NRXN3: variants seen among roughly 807,000 people sequenced by gnomAD.
The protein encoded by NRXN3 is neurexin 3, also known as neurexin III.
Under a neutral mutation model 137.6 loss-of-function variants are expected in NRXN3, and 32 were observed. The observed-to-expected ratio is 0.23, with a 90% CI of 0.18 to 0.31. NRXN3 has a LOEUF of 0.31. Among genes scored for constraint, NRXN3 ranks in the 10% least tolerant of loss-of-function variants. The probability of loss-of-function intolerance (pLI) is 1.00; values close to 1 mark genes in which losing one functional copy is unlikely to be tolerated. For missense variants in NRXN3, 1,574 were observed against 2,062.5 expected, an observed-to-expected ratio of 0.76 and a Z score of 4.59; for synonymous variants, 798 against 784.5, an observed-to-expected ratio of 1.02 and a Z score of -0.29.
chr14:79,747,317 C>A (rs570154427), intron 19 of NRXN3, among the ~76,000 whole-genome samples: 4 of 151,862 alleles, frequency 2.6e-5, no homozygotes, highest in Non-Finnish European at 4.4e-5. Context: ...TTAAACCAGA[C>A]GGTGACATGA....
In NRXN3 at chr14:79,861,300, C is replaced by T; in HGVS notation, c.4094-42C>T. The T allele has an allele frequency of 6.5e-7, 1 of 1,536,126 alleles. No homozygotes were observed. The highest frequency in any genetic ancestry group is 1.2e-5 in the South Asian group (1 of 84,064). On this transcript the variant is annotated intron_variant, in intron 20 of 20. Transcript: ENST00000335750. The surrounding 1 kb of genome is among the most constrained non-coding windows in gnomAD (Gnocchi z 5.4). ...ACCTTTGACTCTAACCTGCCCCCTA[C>T]TGATGATGAAGATTTTTACACCACC... is the stretch of plus-strand genomic sequence containing the variant.
At chr14:78,314,893 CTCTTTCTTTCTTTCTTTCTT>C (rs67628703) in intron 4 of NRXN3, among the ~76,000 whole-genome samples, 10 of 82,126 alleles carry the variant, frequency 1.2e-4, no homozygotes, top group African/African-American at 4.3e-4. Context: ...TTCTTTCTTT[CTCTTTCTTTCTTTCTTTCTT>C]TCTTTCTTTC....
chr14:78,833,668 G>A (rs1245300848), intron 10 of NRXN3, among the ~76,000 whole-genome samples: 1 of 152,146 alleles, frequency 6.6e-6, no homozygotes, highest in African/African-American at 2.4e-5. Context: ...TCAGGGTAGA[G>A]GGAAATTGTT....
intron 8 of NRXN3, among the ~76,000 whole-genome samples, chr14:78,732,728 C>A (rs2098522203): frequency 6.6e-6 from 1 of 152,056 alleles, no homozygotes; most frequent in South Asian, 2.1e-4. Flanking sequence ...ACAATGAAGC[C>A]TGAGACCTAA....
intron 4 of NRXN3, among the ~76,000 whole-genome samples, chr14:78,583,953 C>G (rs927014626): frequency 7.9e-5 from 12 of 152,144 alleles, no homozygotes; most frequent in African/African-American, 2.9e-4. Context: ...TGCCAGCCAC[C>G]GTTCTAAGAA....
chr14:78,572,203 G>T (rs980881599), intron 4 of NRXN3, among the ~76,000 whole-genome samples: 3 of 152,188 alleles, frequency 2.0e-5, no homozygotes, highest in Admixed American at 6.5e-5. Context: ...CTGCCTGACT[G>T]CTCTTCTTTC....
At chr14:79,565,652 A>G (rs1329820444) in intron 16 of NRXN3, among the ~76,000 whole-genome samples, 3 of 151,968 alleles carry the variant, frequency 2.0e-5, no homozygotes, top group Admixed American at 6.6e-5. Context: ...GCTGACACCT[A>G]TTTGGTTGAA....
At chr14:78,623,013 A>G (rs1374054052) in intron 4 of NRXN3, among the ~76,000 whole-genome samples, 2 of 152,102 alleles carry the variant, frequency 1.3e-5, no homozygotes, top group African/African-American at 4.8e-5. Flanking sequence ...TCTACAAAAA[A>G]CCCCAGGACT....
intron 10 of NRXN3, among the ~76,000 whole-genome samples, chr14:78,912,058 T>C (rs1029036543): frequency 1.3e-5 from 2 of 151,804 alleles, no homozygotes; most frequent in African/African-American, 4.8e-5. Context: ...CTCCTAATGC[T>C]ATCCCTCCCC....
intron 4 of NRXN3, among the ~76,000 whole-genome samples, chr14:78,320,385 G>T (rs2079182265): frequency 6.6e-6 from 1 of 152,316 alleles, no homozygotes; most frequent in South Asian, 2.1e-4. Flanking sequence ...AGCGTGGAGT[G>T]GGCGTTAATC....
At chr14:78,726,515 C>T (rs1481808664) in intron 8 of NRXN3, among the ~76,000 whole-genome samples, 8 of 102,448 alleles carry the variant, frequency 7.8e-5, no homozygotes, top group South Asian at 3.5e-4. Context: ...ACCATTTTAG[C>T]TTTTTTTTTT....
chr14:78,875,207 A>C (rs904814667), intron 10 of NRXN3, among the ~76,000 whole-genome samples: 5 of 152,242 alleles, frequency 3.3e-5, no homozygotes, highest in African/African-American at 1.2e-4. Flanking sequence ...TAGAACTGGC[A>C]AAACAACTAG....
At chr14:78,789,653 A>G (rs938728999) in intron 8 of NRXN3, among the ~76,000 whole-genome samples, 1 of 152,184 alleles carries the variant, frequency 6.6e-6, no homozygotes, top group Non-Finnish European at 1.5e-5. Flanking sequence ...AACTGCAATT[A>G]CCTTTGCACC....
chr14:78,427,404 G>A (rs986246998), intron 4 of NRXN3, among the ~76,000 whole-genome samples: 2 of 152,196 alleles, frequency 1.3e-5, no homozygotes, highest in Admixed American at 1.3e-4. Context: ...AGGAGGTAAA[G>A]CTGGTTGGAG....
At chr14:79,706,465 G>A (rs6574518) in intron 19 of NRXN3, among the ~76,000 whole-genome samples, 4,327 of 147,458 alleles carry the variant, frequency 0.029, 183 homozygotes, top group African/African-American at 0.1. Flanking sequence ...GGGCTTGTAG[G>A]GTGGTGCCTG....
At chr14:79,212,697 T>C (rs1353027292) in intron 15 of NRXN3, among the ~76,000 whole-genome samples, 9 of 152,104 alleles carry the variant, frequency 5.9e-5, no homozygotes, top group African/African-American at 7.2e-5. Flanking sequence ...CCTACACAAA[T>C]GGTATCGTGC....
intron 10 of NRXN3, among the ~76,000 whole-genome samples, chr14:78,862,271 A>ATAGATAGATAG (rs1567543911): frequency 0.031 from 4,610 of 149,008 alleles, 211 homozygotes; most frequent in African/African-American, 0.089. Flanking sequence ...TAGATAGATA[A>ATAGATAGATAG]ATAGATAGAT....
chr14:78,427,541 G>A (rs1469875899), intron 4 of NRXN3, among the ~76,000 whole-genome samples: 1 of 152,198 alleles, frequency 6.6e-6, no homozygotes, highest in Non-Finnish European at 1.5e-5. Context: ...GCATTTATGT[G>A]ACTCTGGAAG....
chr14:79,834,417 G>T (rs912039108), intron 20 of NRXN3, among the ~76,000 whole-genome samples: 10 of 152,060 alleles, frequency 6.6e-5, no homozygotes, highest in African/African-American at 2.4e-4. Flanking sequence ...CTCCTGGAAG[G>T]CCAGGTTATT....
Sources: allele counts gnomAD v4.1 joint callset (sites outside exome capture counted in the v4.1 genomes callset), GRCh38; gene constraint gnomAD v4.1.1; non-coding constraint Gnocchi (gnomAD v3.1); transcripts MANE v1.5; gene names NCBI Gene and HGNC (gene_info 2026-07-23, HGNC 2026-07-21).